SKA2: variants seen among roughly 807,000 people sequenced by gnomAD.
The protein encoded by SKA2 is spindle and kinetochore-associated protein 2.
In SKA2, 13 loss-of-function variants were observed where a neutral mutation model predicts 16.9. The ratio of observed to expected loss-of-function variants is 0.77; its 90% CI spans 0.50 to 1.22. The LOEUF (loss-of-function observed/expected upper bound fraction) is 1.22. Ranked by LOEUF, SKA2 falls within the 50% of genes most tolerant of loss-of-function variation. The pLI is 0.00. For missense variants in SKA2, 107 were observed against 139.7 expected, an observed-to-expected ratio of 0.77 and a Z score of 1.18; for synonymous variants, 47 against 48.5, an observed-to-expected ratio of 0.97 and a Z score of 0.13.
At chr17:59,126,947 A>C (rs908219962) in intron 2 of SKA2, among the ~76,000 whole-genome samples, 2 of 152,212 alleles carry the variant, frequency 1.3e-5, no homozygotes, top group Non-Finnish European at 2.9e-5. Flanking sequence ...AAAGAAAGGA[A>C]ACTGACACTG....
At chr17:59,117,911 T>G (rs2147794802) in intron 3 of SKA2, 1 of 152,334 alleles carries the variant, frequency 6.6e-6, no homozygotes, top group Admixed American at 6.5e-5. Context: ...GACATAAGTA[T>G]TGTTCATTTC....
At chr17:59,146,122 A>C (rs1375999170) in intron 1 of SKA2, among the ~76,000 whole-genome samples, 1 of 152,210 alleles carries the variant, frequency 6.6e-6, no homozygotes, top group African/African-American at 2.4e-5. Context: ...AAAATGTCTT[A>C]AAAAGTTATA....
chr17:59,112,371 AT>A, intron 3 of SKA2, 26 bp from the exon 4 acceptor site: 1 of 1,581,484 alleles, frequency 6.3e-7, no homozygotes. Flanking sequence ...TAAAATCTTT[AT>A]TTCAAAAACT....
chr17:59,111,579 A>G lies in SKA2; in HGVS notation c.*698T>C, dbSNP rs1371299069. 1 of 152,226 alleles carries G rather than the reference A, an allele frequency of 6.6e-6. No individual in the cohort carries two copies. Among genetic ancestry groups the G allele is most frequent in the Admixed American group, 6.5e-5 (1 of 15,272 alleles). 9.4% of individuals were successfully genotyped at this position (152,226 alleles called of 1,614,324 possible). A position where few individuals can be genotyped will look rare whatever the true frequency, so the allele number is the denominator to read the frequency against. ...TCCTAGCTTTCATGTAGAATGAACA[A>G]TTATAGTAATAAAGGCTGAAGGAAA... On this transcript the variant is annotated 3_prime_UTR_variant, in exon 4 of 4. Coordinates refer to ENST00000330137, the MANE Select transcript of SKA2 (RefSeq NM_182620.4).
At chr17:59,144,149 C>T (rs918677822) in intron 1 of SKA2, among the ~76,000 whole-genome samples, 1 of 151,894 alleles carries the variant, frequency 6.6e-6, no homozygotes, top group East Asian at 1.9e-4. Context: ...GCCGAGATCG[C>T]GCCACTGCAC....
intron 3 of SKA2, among the ~76,000 whole-genome samples, chr17:59,117,147 G>C (rs1413552377): frequency 6.6e-6 from 1 of 151,894 alleles, no homozygotes; most frequent in Non-Finnish European, 1.5e-5. Flanking sequence ...TCACAGGTTT[G>C]TCCCTGTGAC....
rs2147789243 is a variant in SKA2, at chr17:59,111,627, A to G, written c.*650T>C. 1 of 152,364 alleles carries G rather than the reference A, an allele frequency of 6.6e-6. No homozygotes were observed. Among genetic ancestry groups the G allele is most frequent in the South Asian group, 2.1e-4 (1 of 4,832 alleles). 9.4% of individuals were successfully genotyped at this position (152,364 alleles called of 1,614,324 possible). Reference sequence around the variant, plus strand: ...AAAACAAAGATATTATTGAGATACAACAGGGACAGTCTAAAACAGCATCAG... The same window carrying G: ...AAAACAAAGATATTATTGAGATACAGCAGGGACAGTCTAAAACAGCATCAG... On this transcript the variant is annotated 3_prime_UTR_variant, in exon 4 of 4. Coordinates refer to ENST00000330137, the MANE Select transcript of SKA2 (RefSeq NM_182620.4).
chr17:59,119,610 A>AG, intron 2 of SKA2, 115 bp from the exon 3 acceptor site: 2 of 938,022 alleles, frequency 2.1e-6, no homozygotes, highest in Non-Finnish European at 3.2e-6. Context: ...AACACTGTTG[A>AG]GTATTTAATT....
At chr17:59,118,046 T>A (rs1299066003) in intron 3 of SKA2, 1 of 152,148 alleles carries the variant, frequency 6.6e-6, no homozygotes, top group Non-Finnish European at 1.5e-5. Flanking sequence ...AGATTCATCA[T>A]CTGAGGTCAG....
rs528997679 is a variant in SKA2 at position 59,116,578 on chromosome 17, A to C, written c.297+2741T>G. 3.9e-5 allele frequency among the ~76,000 whole-genome samples: 6 copies of C among 152,212 alleles called. No homozygotes were observed. The South Asian group carries it at 1.2e-3, about 32-fold the overall frequency. On this transcript the variant is annotated intron_variant, in intron 3 of 3. Transcript: ENST00000330137. ...TGTTCTTTTTAACTATTACAAATTC[A>C]AATACATTTTCTACCCTTCCAAATG...
chr17:59,151,275 G>GA, intron 1 of SKA2: 1 of 457,244 alleles, frequency 2.2e-6, no homozygotes, highest in Non-Finnish European at 4.4e-6. Context: ...GCTTCAGTGA[G>GA]AAACGAATTT....
At chr17:59,123,606 A>G (rs1330690090) in intron 2 of SKA2, among the ~76,000 whole-genome samples, 2 of 151,734 alleles carry the variant, frequency 1.3e-5, no homozygotes, top group Non-Finnish European at 2.9e-5. Context: ...CCTAGGCTGG[A>G]GTGCAGTGGT....
Position 59,119,446 on chromosome 17 carries a change from T to C in SKA2, c.170A>G (p.Tyr57Cys). ...LKELSVIKSR[Y>C]QTLYARFKPV... ...TTTAAAGCGGGCATACAAAGTTTGA[T>C]ATCGAGACTTTATCACTGACAATTC... Residue 57 changes from tyrosine (Y) to cysteine (C), a missense_variant, in exon 3 of 4, where the codon TAT becomes TGT. Transcript: ENST00000330137. 1 of 1,614,028 alleles carries C rather than the reference T, an allele frequency of 6.2e-7. No homozygotes were observed. The highest frequency in any genetic ancestry group is 8.5e-7 in the Non-Finnish European group (1 of 1,179,890).
chr17:59,154,060 G>A (rs1337904195), intron 1 of SKA2, among the ~76,000 whole-genome samples: 1 of 151,410 alleles, frequency 6.6e-6, no homozygotes, highest in African/African-American at 2.4e-5. Flanking sequence ...GTGAGCCACC[G>A]CGCCCGGCCA....
intron 2 of SKA2, among the ~76,000 whole-genome samples, chr17:59,123,825 G>A (rs2147800023): frequency 6.6e-6 from 1 of 152,186 alleles, no homozygotes; most frequent in East Asian, 1.9e-4. Context: ...GAGGTACATA[G>A]TAATATTCCC....
Position 59,120,693 on chromosome 17 carries a change from G to C in SKA2, c.121-1198C>G, listed in dbSNP as rs560542690. On this transcript the variant is annotated intron_variant, in intron 2 of 3. Transcript: ENST00000330137. ...CTGAAACTTCCAGGTGATAGGTAAG[G>C]GACTGGGGTAGGCTGAGGAGGAAAG... 2.0e-5 allele frequency among the ~76,000 whole-genome samples: 3 copies of C among 152,256 alleles called. No homozygotes were observed. The South Asian group carries it at 6.2e-4, about 32-fold the overall frequency.
chr17:59,116,428 C>CT (rs929516990), intron 3 of SKA2, among the ~76,000 whole-genome samples: 140 of 151,582 alleles, frequency 9.2e-4, no homozygotes, highest in African/African-American at 3.2e-3. Context: ...TGTCTTTTGT[C>CT]TTTTTTTTTC....
chr17:59,115,755 A>G (rs1488796562), intron 3 of SKA2, among the ~76,000 whole-genome samples: 1 of 152,104 alleles, frequency 6.6e-6, no homozygotes, highest in Non-Finnish European at 1.5e-5. Flanking sequence ...TGCCATACCC[A>G]GCTATGAGAC....
intron 1 of SKA2, among the ~76,000 whole-genome samples, chr17:59,131,717 G>A (rs771569905): frequency 6.6e-6 from 1 of 152,162 alleles, no homozygotes; most frequent in Non-Finnish European, 1.5e-5. Context: ...CAGTTAGGCA[G>A]TGTTTTTCTA....
Sources: gnomAD v4.1 joint callset for allele counts (sites outside exome capture counted in the v4.1 genomes callset) on GRCh38, gnomAD v4.1.1 for gene constraint, MANE v1.5 for transcripts, NCBI Gene and HGNC (gene_info 2026-07-23, HGNC 2026-07-21) for gene names.